TAF4B: variants seen among roughly 807,000 people sequenced by gnomAD.
TAF4B encodes the protein transcription initiation factor TFIID subunit 4B.
A neutral mutation model predicts 86.4 loss-of-function variants in TAF4B; 38 were observed. The ratio of observed to expected loss-of-function variants is 0.44; its 90% confidence interval spans 0.34 to 0.58. The LOEUF (loss-of-function observed/expected upper bound fraction) is 0.58. TAF4B is among the 20% of genes least tolerant of loss of function. The probability of loss-of-function intolerance (pLI) is 0.02; values close to 1 mark genes in which losing one functional copy is unlikely to be tolerated. For missense variants in TAF4B, 988 were observed against 1,027.6 expected, an observed-to-expected ratio of 0.96 and a Z score of 0.53; for synonymous variants, 388 against 391.2, an observed-to-expected ratio of 0.99 and a Z score of 0.10.
chr18:26,348,193 A>T lies in TAF4B; in HGVS notation c.2317-9497A>T, dbSNP rs138659307. Among the ~76,000 whole-genome samples, 2 of 152,344 alleles carry T rather than the reference A, an allele frequency of 1.3e-5. 1 individual carries two copies. Among genetic ancestry groups the T allele is most frequent in the East Asian group, 3.8e-4 (2 of 5,196 alleles). ...ACATAAAACAAGCCTCAAACATTTTAAAATATCAAAATCATATCCTAAGTA... is the reference window on the plus strand; with the variant it reads ...ACATAAAACAAGCCTCAAACATTTTTAAATATCAAAATCATATCCTAAGTA... On this transcript the variant is annotated intron_variant, in intron 13 of 14. Coordinates refer to ENST00000269142, the MANE Select transcript of TAF4B (RefSeq NM_005640.3).
Position 26,311,604 on chromosome 18 carries a change from A to G in TAF4B, c.1833-3625A>G, listed in dbSNP as rs560626449. Among the ~76,000 whole-genome samples the G allele has an allele frequency of 3.3e-5, 5 of 152,276 alleles. No homozygotes were observed. The East Asian group carries it at 9.7e-4, about 29-fold the overall frequency. On this transcript the variant is annotated intron_variant, in intron 9 of 14. Coordinates refer to ENST00000269142, the MANE Select transcript of TAF4B (RefSeq NM_005640.3). ...CCACTGCACTCCAGCCTGGGCGACAAAACGAGACTCAGTCTCAAAGAAACA... is the reference window on the plus strand; with the variant it reads ...CCACTGCACTCCAGCCTGGGCGACAGAACGAGACTCAGTCTCAAAGAAACA...
chr18:26,250,622 A>G (rs902713659), intron 1 of TAF4B, among the ~76,000 whole-genome samples: 3 of 152,150 alleles, frequency 2.0e-5, no homozygotes, highest in Admixed American at 1.3e-4. Flanking sequence ...GAGATTACCA[A>G]TGTGATCAGT....
chr18:26,285,065 C>T (rs2056493805), intron 6 of TAF4B, among the ~76,000 whole-genome samples: 1 of 150,686 alleles, frequency 6.6e-6, no homozygotes, highest in African/African-American at 2.4e-5. Flanking sequence ...CCTCCTGGGT[C>T]CAAGTGATCC....
At chr18:26,263,810 C>T (rs1306136128) in intron 1 of TAF4B, among the ~76,000 whole-genome samples, 1 of 152,120 alleles carries the variant, frequency 6.6e-6, no homozygotes, top group Non-Finnish European at 1.5e-5. Context: ...AGCTTGTGGG[C>T]TCAAGCTGTC....
At position 26,242,268 on chromosome 18, in the gene TAF4B, C is replaced by G. The variant is rs1361283276; in HGVS notation, c.343+14992C>G. 2.0e-5 allele frequency among the ~76,000 whole-genome samples: 3 copies of G among 152,116 alleles called. No homozygotes were observed. In the East Asian group the frequency reaches 5.8e-4, roughly 29 times the overall value. On this transcript the variant is annotated intron_variant, in intron 1 of 14. Transcript: ENST00000269142. The stretch of plus-strand genomic sequence containing the variant: ...GACTTGCTTTATGAATCTGGGTGCT[C>G]CTGTATTGGGTGCATATATATTTAG...
intron 12 of TAF4B, 77 bp downstream of exon 12, chr18:26,327,217 C>T (rs2144685484): frequency 6.6e-7 from 1 of 1,524,084 alleles, no homozygotes; most frequent in South Asian, 1.2e-5. Context: ...GGTTGACTGT[C>T]TTGGTTTTAT....
rs1158105851 is a variant in TAF4B at position 26,388,834 on chromosome 18, G to T, written c.2422-1011G>T. ...TTATTTTTATTATTTTCATTTTTTT[G>T]AGACAGAGTCTTGCTCTGTTGCCCA... On this transcript the variant is annotated intron_variant, in intron 14 of 14. Coordinates refer to ENST00000269142, the MANE Select transcript of TAF4B (RefSeq NM_005640.3). Among the ~76,000 whole-genome samples, 4 of 151,976 alleles carry T rather than the reference G, an allele frequency of 2.6e-5. No individual in the cohort carries two copies. The East Asian group carries it at 5.8e-4, about 22-fold the overall frequency.
chr18:26,326,672 G>A (rs1042390908), intron 11 of TAF4B, among the ~76,000 whole-genome samples: 1 of 152,092 alleles, frequency 6.6e-6, no homozygotes, highest in Non-Finnish European at 1.5e-5. Flanking sequence ...AAAGATTTTG[G>A]TTATTGGTGA....
intron 14 of TAF4B, among the ~76,000 whole-genome samples, chr18:26,384,821 C>T (rs1369419715): frequency 6.6e-6 from 1 of 152,156 alleles, no homozygotes; most frequent in African/African-American, 2.4e-5. Context: ...GTGTTACTAT[C>T]CCTATTTTGC....
At chr18:26,268,364 C>A (rs751758991) in intron 3 of TAF4B, among the ~76,000 whole-genome samples, 1 of 152,138 alleles carries the variant, frequency 6.6e-6, no homozygotes. Flanking sequence ...ATACGATGAA[C>A]TACAGTCCCC....
chr18:26,284,911 G>C (rs377216083), intron 6 of TAF4B, among the ~76,000 whole-genome samples: 3 of 152,054 alleles, frequency 2.0e-5, no homozygotes, highest in South Asian at 4.1e-4. Context: ...CTTTCAGATC[G>C]TAAAATTCAC....
At chr18:26,244,993 C>T (rs1375156746) in intron 1 of TAF4B, among the ~76,000 whole-genome samples, 1 of 152,142 alleles carries the variant, frequency 6.6e-6, no homozygotes, top group East Asian at 1.9e-4. Flanking sequence ...ACCCTTGGCT[C>T]AGCCCAGAAG....
chr18:26,353,868 C>T (rs1362185159), intron 13 of TAF4B, among the ~76,000 whole-genome samples: 4 of 152,080 alleles, frequency 2.6e-5, no homozygotes, highest in African/African-American at 7.2e-5. Flanking sequence ...TCCAATTTGC[C>T]AATTTTTTCT....
chr18:26,350,277 G>C (rs1178097781), intron 13 of TAF4B, among the ~76,000 whole-genome samples: 1 of 152,148 alleles, frequency 6.6e-6, no homozygotes, highest in African/African-American at 2.4e-5. Context: ...TAAGACTACA[G>C]AATGGGGGGA....
At chr18:26,346,992 C>T (rs558431022) in intron 13 of TAF4B, among the ~76,000 whole-genome samples, 12 of 144,520 alleles carry the variant, frequency 8.3e-5, no homozygotes, top group Admixed American at 7.7e-4. Context: ...ATGATCTCGG[C>T]TCACTGCAAC....
chr18:26,230,987 T>C (rs2144418682), intron 1 of TAF4B, among the ~76,000 whole-genome samples: 1 of 151,634 alleles, frequency 6.6e-6, no homozygotes, highest in African/African-American at 2.4e-5. Flanking sequence ...CACTAAAATG[T>C]AATTTCCTCT....
rs1263352994 is a variant in TAF4B at position 26,391,201 on chromosome 18, C to A, written c.*1189C>A. 6.8e-6 allele frequency: 1 copy of A among 147,716 alleles called. No homozygotes were observed. The highest frequency in any genetic ancestry group is 2.5e-5 in the African/African-American group (1 of 39,946). 9.2% of individuals were successfully genotyped at this position (147,716 alleles called of 1,614,324 possible). A position where few individuals can be genotyped will look rare whatever the true frequency, so the allele number is the denominator to read the frequency against. On this transcript the variant is annotated 3_prime_UTR_variant, in exon 15 of 15. Transcript: ENST00000269142. ...CTGAGGAAGAAGCTGACGGACAAAGCAAACCCTCTTTAAAAAAAAAAAAAA... is the reference window on the plus strand; with the variant it reads ...CTGAGGAAGAAGCTGACGGACAAAGAAAACCCTCTTTAAAAAAAAAAAAAA...
intron 1 of TAF4B, among the ~76,000 whole-genome samples, chr18:26,260,318 G>C (rs1250759282): frequency 6.6e-6 from 1 of 152,142 alleles, no homozygotes; most frequent in African/African-American, 2.4e-5. Context: ...GTCTTTTGTT[G>C]CCATTGCTTT....
chr18:26,322,734 C>A (rs1321684378), intron 11 of TAF4B, among the ~76,000 whole-genome samples: 2 of 151,800 alleles, frequency 1.3e-5, no homozygotes, highest in South Asian at 4.1e-4. Flanking sequence ...TTTTTGATTT[C>A]GTGTATCTCC....
Sources: gnomAD v4.1 joint callset for allele counts (sites outside exome capture counted in the v4.1 genomes callset) on GRCh38, gnomAD v4.1.1 for gene constraint, MANE v1.5 for transcripts, NCBI Gene and HGNC (gene_info 2026-07-23, HGNC 2026-07-21) for gene names.